The following RIPOR2 variants were observed in gnomAD, a reference collection of about 807,000 sequenced individuals.
RIPOR2 encodes RHO family interacting cell polarization regulator 2.
A neutral mutation model predicts 114.5 loss-of-function variants in RIPOR2; 39 were observed. That is an observed-to-expected ratio of 0.34 (90% CI 0.26 to 0.44). The LOEUF (loss-of-function observed/expected upper bound fraction) is 0.44, where lower values mean the gene tolerates loss of function less well. Ranked by LOEUF, RIPOR2 falls within the 20% of genes least tolerant of loss-of-function variation. The pLI, the probability that RIPOR2 is intolerant of heterozygous loss-of-function variation, is 1.00. For missense variants in RIPOR2, 1,007 were observed against 1,255.1 expected (o/e 0.80, Z 2.99); for synonymous variants, 445 against 484.4 (o/e 0.92, Z 1.07).
intron 6 of RIPOR2, among the ~76,000 whole-genome samples, chr6:24,866,959 AC>A (rs1454527110): frequency 6.6e-6 from 1 of 152,158 alleles, no homozygotes; most frequent in African/African-American, 2.4e-5. Context: ...CTGAAGGCAA[AC>A]TTTTGGCTGC....
At chr6:25,042,132 C>CT, upstream of RIPOR2, 1 of 487,502 alleles carries the variant, frequency 2.1e-6, no homozygotes, top group South Asian at 3.0e-5. Flanking sequence ...CTTTCCTTCC[C>CT]TTAACTTCCG....
At chr6:24,894,198 A>G (rs1425593568) in intron 1 of RIPOR2, among the ~76,000 whole-genome samples, 1 of 152,252 alleles carries the variant, frequency 6.6e-6, no homozygotes, top group Non-Finnish European at 1.5e-5. Flanking sequence ...AAGGTGATTC[A>G]GGACAATATT....
rs1212479361 is a variant in RIPOR2, at chr6:24,875,674, A to G, written c.188+17T>C. The G allele has an allele frequency of 6.2e-7, 1 of 1,608,592 alleles. No homozygotes were observed. Among genetic ancestry groups the G allele is most frequent in the Admixed American group, 1.7e-5 (1 of 59,418 alleles). On this transcript the variant is annotated intron_variant, in intron 2 of 21. Coordinates refer to ENST00000643898, the MANE Select transcript of RIPOR2 (RefSeq NM_001286445.3). ...CTTGGCAAGCTGCATCCCGGGAGAGAACCACACAGTACTTGCCTGGATCGC... is the reference window on the plus strand; with the variant it reads ...CTTGGCAAGCTGCATCCCGGGAGAGGACCACACAGTACTTGCCTGGATCGC...
chr6:24,901,895 A>G (rs914291136), intron 1 of RIPOR2, among the ~76,000 whole-genome samples: 16 of 152,206 alleles, frequency 1.1e-4, no homozygotes, highest in Admixed American at 7.9e-4. Flanking sequence ...ATTACATCAC[A>G]GGGTTGTTCT....
intron 14 of RIPOR2, among the ~76,000 whole-genome samples, chr6:24,836,439 T>C (rs1431719638): frequency 6.6e-6 from 1 of 152,248 alleles, no homozygotes; most frequent in Non-Finnish European, 1.5e-5. Context: ...TGACGTTTTG[T>C]TTAAACCCCC....
intron 20 of RIPOR2, among the ~76,000 whole-genome samples, chr6:24,810,134 C>A (rs1781047477): frequency 6.6e-6 from 1 of 152,158 alleles, no homozygotes; most frequent in Non-Finnish European, 1.5e-5. Flanking sequence ...GCCCGGCCAG[C>A]TGGTAGGAAT....
At chr6:24,963,569 A>G (rs1244292932) in intron 1 of RIPOR2, among the ~76,000 whole-genome samples, 1 of 152,212 alleles carries the variant, frequency 6.6e-6, no homozygotes, top group Admixed American at 6.5e-5. Context: ...ATATACATAT[A>G]CACCAATATG....
At chr6:24,834,750 A>T (rs1353101591) in intron 15 of RIPOR2, among the ~76,000 whole-genome samples, 3 of 152,074 alleles carry the variant, frequency 2.0e-5, no homozygotes, top group African/African-American at 7.2e-5. Context: ...CCGCCTCCTG[A>T]GTAGCTGGGA....
intron 1 of RIPOR2, among the ~76,000 whole-genome samples, chr6:24,946,572 C>CA (rs1441551889): frequency 1.3e-5 from 2 of 151,962 alleles, no homozygotes; most frequent in African/African-American, 4.8e-5. Context: ...GACTCCGTCT[C>CA]AAAAAATAAA....
At chr6:25,007,765 T>C (rs150846491) in intron 1 of RIPOR2, among the ~76,000 whole-genome samples, 2 of 152,196 alleles carry the variant, frequency 1.3e-5, no homozygotes, top group Non-Finnish European at 2.9e-5. Flanking sequence ...TTTACATCCA[T>C]GCCCAGGCTT....
intron 12 of RIPOR2, chr6:24,847,640 C>T (rs1427269248): frequency 1.3e-6 from 2 of 1,551,680 alleles, no homozygotes; most frequent in Admixed American, 2.0e-5. Context: ...TCTTGCAAGG[C>T]ACTCAAGACA....
In RIPOR2 at chr6:24,832,250, A is replaced by G. The variant is rs1188220460; in HGVS notation, c.2344+6T>C. The G allele has an allele frequency of 1.3e-6, 2 of 1,551,564 alleles. No individual in the cohort carries two copies. Among genetic ancestry groups the G allele is most frequent in the South Asian group, 2.4e-5 (2 of 84,060 alleles). Reference sequence around the variant, plus strand: ...GTGAATAGCGGTGTAACTGGCAGATACTTACCTTCCACAACAGAACTGATA... The same window carrying G: ...GTGAATAGCGGTGTAACTGGCAGATGCTTACCTTCCACAACAGAACTGATA... On this transcript the variant is annotated splice_donor_region_variant and intron_variant, in intron 16 of 21. Coordinates refer to ENST00000643898, the MANE Select transcript of RIPOR2 (RefSeq NM_001286445.3).
intron 21 of RIPOR2, among the ~76,000 whole-genome samples, chr6:24,806,710 T>C (rs1023607612): frequency 6.6e-6 from 1 of 152,182 alleles, no homozygotes; most frequent in African/African-American, 2.4e-5. Context: ...TGCCAGGGTA[T>C]GAAACAGAGT....
intron 7 of RIPOR2, among the ~76,000 whole-genome samples, chr6:24,863,377 G>A (rs1764276500): frequency 6.6e-6 from 1 of 152,214 alleles, no homozygotes; most frequent in African/African-American, 2.4e-5. Flanking sequence ...AGGTCATGAT[G>A]CCATGCCCTG....
At chr6:24,836,784 C>T (rs186244687) in intron 14 of RIPOR2, among the ~76,000 whole-genome samples, 155 of 151,980 alleles carry the variant, frequency 1.0e-3, no homozygotes, top group African/African-American at 3.6e-3. Context: ...GCAGTCCACA[C>T]ATAGCAGCCA....
upstream of RIPOR2, chr6:24,935,968 G>A (rs1318391922): frequency 1.5e-5 from 18 of 1,188,184 alleles, no homozygotes; most frequent in African/African-American, 3.0e-5. Flanking sequence ...ACTGCCGACC[G>A]AGGTGATTTC....
intron 11 of RIPOR2, 132 bp from the exon 12 acceptor site, chr6:24,848,286 C>T (rs1369042345): frequency 2.2e-6 from 2 of 899,260 alleles, no homozygotes; most frequent in African/African-American, 1.7e-5. Flanking sequence ...CTGGTTTTAG[C>T]TAAACTGCTT....
At chr6:24,952,679 T>C (rs1433119493) in intron 1 of RIPOR2, among the ~76,000 whole-genome samples, 1 of 152,248 alleles carries the variant, frequency 6.6e-6, no homozygotes, top group Non-Finnish European at 1.5e-5. Flanking sequence ...TGCACACTTA[T>C]ATAATTTAAT....
intron 1 of RIPOR2, among the ~76,000 whole-genome samples, chr6:24,996,353 T>A (rs957544957): frequency 6.6e-6 from 1 of 152,202 alleles, no homozygotes; most frequent in Non-Finnish European, 1.5e-5. Flanking sequence ...CCTGGGTTAT[T>A]GCACAACAGG....
Sources: allele counts gnomAD v4.1 joint callset (sites outside exome capture counted in the v4.1 genomes callset), GRCh38; gene constraint gnomAD v4.1.1; transcripts MANE v1.5; gene names NCBI Gene and HGNC (gene_info 2026-07-23, HGNC 2026-07-21).